SPSB1: variants seen among roughly 807,000 people sequenced by gnomAD.
SPSB1 encodes the protein splA/ryanodine receptor domain and SOCS box containing 1, also known as SPRY domain-containing SOCS box protein 1.
Under a neutral mutation model 21.2 loss-of-function variants are expected in SPSB1, and 8 were observed. That is an observed-to-expected ratio of 0.38 (90% CI 0.22 to 0.68). The LOEUF (loss-of-function observed/expected upper bound fraction) is 0.68. SPSB1 is among the 30% of genes least tolerant of loss of function. The pLI is 0.53. For missense variants in SPSB1, 242 were observed against 377.8 expected, an observed-to-expected ratio of 0.64 and a Z score of 2.98; for synonymous variants, 169 against 161.7, an observed-to-expected ratio of 1.05 and a Z score of -0.34.
Position 9,326,931 on chromosome 1 carries a change from C to A in SPSB1, c.-149-28812C>A, listed in dbSNP as rs545691018. 1.4e-3 allele frequency among the ~76,000 whole-genome samples: 213 copies of A among 152,226 alleles called. 1 individual carries two copies. The highest frequency in any genetic ancestry group is 5.1e-3 in the African/African-American group (210 of 41,520). ...TTTAGGTGGAGGCGGGGACCCTAAC[C>A]CCTTCTTTCCTGCTTGCTGCCCTTT... is the stretch of plus-strand genomic sequence containing the variant. On this transcript the variant is annotated intron_variant, in intron 1 of 2. Transcript: ENST00000328089.
intron 1 of SPSB1, among the ~76,000 whole-genome samples, chr1:9,299,282 A>G (rs531564080): frequency 1.6e-4 from 25 of 152,320 alleles, no homozygotes; most frequent in African/African-American, 3.8e-4. Context: ...TGGGTATATC[A>G]GCTCTCCAGC....
chr1:9,323,624 C>T (rs1391355375), intron 1 of SPSB1, among the ~76,000 whole-genome samples: 3 of 152,192 alleles, frequency 2.0e-5, no homozygotes, highest in Admixed American at 2.0e-4. Flanking sequence ...GAATGGCAGA[C>T]GCGCCTCCCT....
intron 1 of SPSB1, among the ~76,000 whole-genome samples, chr1:9,296,466 C>T (rs1018746477): frequency 1.3e-5 from 2 of 152,154 alleles, no homozygotes; most frequent in Non-Finnish European, 2.9e-5. Flanking sequence ...TGGAAAATGT[C>T]AAACACACCA....
chr1:9,321,971 C>A lies in SPSB1; in HGVS notation c.-150+28900C>A, dbSNP rs1009247536. ...CAGTCACCTCTAACCCTGTGGGGGA[C>A]AACCACAATGTCTGTTTTATAGATG... On this transcript the variant is annotated intron_variant, in intron 1 of 2. Coordinates refer to ENST00000328089, the MANE Select transcript of SPSB1 (RefSeq NM_025106.4). This position sits in a 1 kb window ranked among gnomAD's most constrained non-coding sequence, Gnocchi z 4.8. 6.6e-6 allele frequency among the ~76,000 whole-genome samples: 1 copy of A among 152,116 alleles called. No homozygotes were observed. Among genetic ancestry groups the A allele is most frequent in the Admixed American group, 6.5e-5 (1 of 15,272 alleles).
At chr1:9,295,151 C>A (rs1041954192) in intron 1 of SPSB1, among the ~76,000 whole-genome samples, 13 of 152,140 alleles carry the variant, frequency 8.5e-5, no homozygotes, top group East Asian at 5.8e-4. Flanking sequence ...TCTCTTACAG[C>A]TGCTTTTCTT....
At chr1:9,326,018 A>C (rs1639810358) in intron 1 of SPSB1, among the ~76,000 whole-genome samples, 1 of 151,850 alleles carries the variant, frequency 6.6e-6, no homozygotes, top group South Asian at 2.1e-4. Flanking sequence ...GGCCAGGAGG[A>C]GTGTGGGCTC....
rs374165716 is a variant in SPSB1 at position 9,336,433 on chromosome 1, T to C, written c.-149-19310T>C. 1.8e-4 allele frequency among the ~76,000 whole-genome samples: 27 copies of C among 151,744 alleles called. No homozygotes were observed. The South Asian group carries it at 5.6e-3, about 32-fold the overall frequency. ...TAGAGATGGGGTTTCTCCACGTTGG[T>C]CAGGCTGGTCTCAAACTCCTGACCT... On this transcript the variant is annotated intron_variant, in intron 1 of 2. Coordinates refer to ENST00000328089, the MANE Select transcript of SPSB1 (RefSeq NM_025106.4).
chr1:9,326,746 G>A (rs551362942), intron 1 of SPSB1, among the ~76,000 whole-genome samples: 5 of 152,358 alleles, frequency 3.3e-5, no homozygotes, highest in African/African-American at 1.2e-4. Context: ...CACTGGCGGA[G>A]CAGAAATGGT....
chr1:9,349,990 G>A (rs1014263831), intron 1 of SPSB1, among the ~76,000 whole-genome samples: 8 of 151,728 alleles, frequency 5.3e-5, no homozygotes, highest in African/African-American at 1.2e-4. Context: ...CACGACACAC[G>A]TGTACCTACA....
At chr1:9,343,121 C>T (rs1207161039) in intron 1 of SPSB1, among the ~76,000 whole-genome samples, 1 of 152,156 alleles carries the variant, frequency 6.6e-6, no homozygotes, top group African/African-American at 2.4e-5. Flanking sequence ...TTTAAGAGTA[C>T]AATTCGATGG....
chr1:9,325,018 C>G (rs1639790457), intron 1 of SPSB1, among the ~76,000 whole-genome samples: 1 of 152,242 alleles, frequency 6.6e-6, no homozygotes, highest in Non-Finnish European at 1.5e-5. Flanking sequence ...GCCACAGCCA[C>G]TCACTGGCTG....
intron 1 of SPSB1, among the ~76,000 whole-genome samples, chr1:9,319,667 G>A (rs908795903): frequency 6.6e-6 from 1 of 152,216 alleles, no homozygotes; most frequent in Non-Finnish European, 1.5e-5. Context: ...AGGATGCTGC[G>A]GGAGGCCAAG....
At chr1:9,343,711 G>A (rs949505933) in intron 1 of SPSB1, among the ~76,000 whole-genome samples, 1 of 152,180 alleles carries the variant, frequency 6.6e-6, no homozygotes, top group Non-Finnish European at 1.5e-5. Context: ...ATGCAGTTGT[G>A]ACCTTTTTTT....
Position 9,305,423 on chromosome 1 carries a change from G to A in SPSB1, c.-150+12352G>A, listed in dbSNP as rs1004624124. Among the ~76,000 whole-genome samples, 3 of 152,202 alleles carry A rather than the reference G, an allele frequency of 2.0e-5. No homozygotes were observed. The highest frequency in any genetic ancestry group is 7.2e-5 in the African/African-American group (3 of 41,460). ...CCAGTGACCTGTGGGCTCCAGGAGGGCAGGACCCGGCCGGCCACATGGCTG... is the reference window on the plus strand; with the variant it reads ...CCAGTGACCTGTGGGCTCCAGGAGGACAGGACCCGGCCGGCCACATGGCTG... On this transcript the variant is annotated intron_variant, in intron 1 of 2. Transcript: ENST00000328089. The surrounding 1 kb of genome is among the most constrained non-coding windows in gnomAD (Gnocchi z 4.8).
At chr1:9,334,510 C>T (rs948859592) in intron 1 of SPSB1, among the ~76,000 whole-genome samples, 9 of 152,206 alleles carry the variant, frequency 5.9e-5, no homozygotes, top group Non-Finnish European at 8.8e-5. Flanking sequence ...CGTGAGCCAC[C>T]GTGCCTGGCC....
At chr1:9,326,021 G>A (rs946730686) in intron 1 of SPSB1, among the ~76,000 whole-genome samples, 3 of 152,106 alleles carry the variant, frequency 2.0e-5, no homozygotes, top group African/African-American at 7.2e-5. Flanking sequence ...CAGGAGGAGT[G>A]TGGGCTCCAT....
At chr1:9,358,234 T>C (rs902859599) in intron 2 of SPSB1, among the ~76,000 whole-genome samples, 2 of 152,182 alleles carry the variant, frequency 1.3e-5, no homozygotes, top group African/African-American at 4.8e-5. Context: ...CCGCCCCTCT[T>C]TCTCTTGGTC....
rs1293566548 is a variant in SPSB1 at position 9,324,993 on chromosome 1, GCAGC to G, written c.-149-30748_-149-30745del. On this transcript the variant is annotated intron_variant, in intron 1 of 2. Coordinates refer to ENST00000328089, the MANE Select transcript of SPSB1 (RefSeq NM_025106.4). The surrounding 1 kb of genome is among the most constrained non-coding windows in gnomAD (Gnocchi z 4.3). ...CTGTGAGCGGGTCAGTACTGGGTAGGCAGCCCCATTGGGAGCCACAGCCACTCAC... is the reference window on the plus strand; with the variant it reads ...CTGTGAGCGGGTCAGTACTGGGTAGGCCCATTGGGAGCCACAGCCACTCAC... 2.0e-5 allele frequency among the ~76,000 whole-genome samples: 3 copies of G among 152,202 alleles called. No individual in the cohort carries two copies. Among genetic ancestry groups the G allele is most frequent in the Non-Finnish European group, 2.9e-5 (2 of 68,020 alleles).
At chr1:9,313,113 A>C (rs755473255) in intron 1 of SPSB1, among the ~76,000 whole-genome samples, 14 of 152,178 alleles carry the variant, frequency 9.2e-5, no homozygotes, top group African/African-American at 1.4e-4. Context: ...AAAAAAAGTC[A>C]AGTCCGGGCG....
Sources: allele counts gnomAD v4.1 joint callset (sites outside exome capture counted in the v4.1 genomes callset), GRCh38; gene constraint gnomAD v4.1.1; non-coding constraint Gnocchi (gnomAD v3.1); transcripts MANE v1.5; gene names NCBI Gene and HGNC (gene_info 2026-07-23, HGNC 2026-07-21).